NUP88: variants seen among roughly 807,000 people sequenced by gnomAD.
NUP88 encodes the protein nuclear pore complex protein Nup88.
NUP88 carries 57 observed loss-of-function variants against 93.9 expected under a neutral mutation model. That is an observed-to-expected ratio of 0.61 (90% CI 0.49 to 0.76). The LOEUF is 0.76. NUP88 is among the 30% of genes least tolerant of loss of function. NUP88 has a pLI of 0.00. For synonymous variants in NUP88, 346 were observed against 336.8 expected (o/e 1.03, Z -0.30); for missense variants, 911 against 901.0 (o/e 1.01, Z -0.14).
Position 5,387,456 on chromosome 17 carries a change from G to A in NUP88, c.1846C>T (p.Arg616Trp), listed in dbSNP as rs147688370. The A allele has an allele frequency of 8.1e-6, 13 of 1,613,828 alleles. No individual in the cohort carries two copies. Among genetic ancestry groups the A allele is most frequent in the East Asian group, 2.2e-5 (1 of 44,884 alleles). The change falls in exon 14 of 17, where the codon CGG becomes TGG. Residue 616 changes from arginine (R) to tryptophan (W), a missense_variant. Physicochemically the swap from Arg to Trp is moderately radical, Grantham distance 101. Coordinates refer to ENST00000573584, the MANE Select transcript of NUP88 (RefSeq NM_002532.6). ...SYCREERKSL[R>W]EMAERLADKY... is the part of the protein sequence containing the mutation. ...TCAGCTAAACGCTCAGCCATTTCCC[G>A]CAGACTTTTCCTAATGATGTAAGAC...
In NUP88 at chr17:5,405,165, A is replaced by G; in HGVS notation, c.936T>C (p.Cys312=). 2.5e-6 allele frequency: 4 copies of G among 1,614,232 alleles called. No homozygotes were observed. Among genetic ancestry groups the G allele is most frequent in the Non-Finnish European group, 3.4e-6 (4 of 1,180,040 alleles). The change falls in exon 6 of 17, where the codon TGT becomes TGC. Residue 312 remains cysteine (C), a synonymous_variant. Transcript: ENST00000573584. ...AAEDNYGYDA[C]AVLCLPCVPN... is the part of the protein sequence containing the mutation. ...GGACACAGGGTAAGCAGAGTACAGC[A>G]CACGCATCATAACCATAGTTATCTT...
At chr17:5,392,739 C>T (rs17635627) in intron 9 of NUP88, among the ~76,000 whole-genome samples, 78,820 of 152,038 alleles carry the variant, frequency 0.52, 21,855 homozygotes, top group East Asian at 0.97. Flanking sequence ...TATGTATTCA[C>T]TCCTAGGCAA....
chr17:5,396,207 G>A (rs8076560), intron 8 of NUP88, among the ~76,000 whole-genome samples: 66,502 of 151,648 alleles, frequency 0.44, 15,312 homozygotes, highest in East Asian at 0.84. Flanking sequence ...GTGAAACTCC[G>A]TCTAAAAAAA....
At chr17:5,399,990 T>G (rs1913042354) in intron 7 of NUP88, among the ~76,000 whole-genome samples, 1 of 152,024 alleles carries the variant, frequency 6.6e-6, no homozygotes, top group Non-Finnish European at 1.5e-5. Context: ...TTTATACTAG[T>G]AGGTACGCAA....
chr17:5,391,136 G>A (rs572534392), intron 10 of NUP88, among the ~76,000 whole-genome samples: 73 of 152,134 alleles, frequency 4.8e-4, no homozygotes, highest in Admixed American at 1.4e-3. Flanking sequence ...CTAACCTCTC[G>A]ATCCCCGTTT....
intron 6 of NUP88, 117 bp from the exon 7 acceptor site, chr17:5,404,363 A>G: frequency 2.0e-6 from 2 of 1,022,584 alleles, no homozygotes; most frequent in Non-Finnish European, 2.9e-6. Flanking sequence ...CTGTAATCCC[A>G]GCACTTTGGG....
intron 8 of NUP88, among the ~76,000 whole-genome samples, chr17:5,397,646 A>T (rs1030291214): frequency 2.0e-5 from 3 of 152,284 alleles, no homozygotes; most frequent in Middle Eastern, 3.4e-3. Flanking sequence ...TAAGATAACA[A>T]ATTTGTCATG....
intron 16 of NUP88, 137 bp downstream of exon 16, chr17:5,386,571 A>G: frequency 1.4e-6 from 1 of 719,950 alleles, no homozygotes; most frequent in African/African-American, 1.8e-5. Context: ...GTCCCTATGT[A>G]TCATGTGGCT....
chr17:5,406,721 T>A (rs1913513979), intron 5 of NUP88, among the ~76,000 whole-genome samples: 1 of 151,928 alleles, frequency 6.6e-6, no homozygotes, highest in South Asian at 2.1e-4. Context: ...AACAATTGTT[T>A]TGGGCCACAC....
At chr17:5,390,693 G>C (rs1250496111) in intron 10 of NUP88, among the ~76,000 whole-genome samples, 5 of 138,124 alleles carry the variant, frequency 3.6e-5, no homozygotes, top group African/African-American at 1.1e-4. Context: ...AAGACTAAGA[G>C]TTCAGCTTTT....
chr17:5,402,002 A>G (rs948823838), intron 7 of NUP88, among the ~76,000 whole-genome samples: 1 of 152,232 alleles, frequency 6.6e-6, no homozygotes, highest in African/African-American at 2.4e-5. Context: ...TTCACATATG[A>G]AAATGTTACT....
At chr17:5,414,245 G>T (rs1185073737) in intron 2 of NUP88, 111 bp from the exon 3 acceptor site, 4 of 877,232 alleles carry the variant, frequency 4.6e-6, no homozygotes, top group Admixed American at 4.5e-5. Context: ...GCCCAGGCTG[G>T]AGTGTAACGG....
intron 3 of NUP88, among the ~76,000 whole-genome samples, chr17:5,411,330 G>A (rs557255031): frequency 3.3e-4 from 51 of 152,244 alleles, no homozygotes; most frequent in South Asian, 2.3e-3. Context: ...TTGGGAGGCC[G>A]AGGTGAGCAG....
intron 10 of NUP88, among the ~76,000 whole-genome samples, chr17:5,390,182 T>A (rs546785188): frequency 1.3e-3 from 109 of 81,254 alleles, no homozygotes; most frequent in South Asian, 6.4e-3. Flanking sequence ...AAAAAAAAAA[T>A]ATCCAGACAA....
Position 5,387,028 on chromosome 17 carries a change from G to A in NUP88, c.1999C>T (p.Leu667=), listed in dbSNP as rs746122168. 1 of 1,614,044 alleles carries A rather than the reference G, an allele frequency of 6.2e-7. No homozygotes were observed. The change falls in exon 15 of 17, where the codon CTG becomes TTG. Residue 667 remains leucine, a synonymous_variant. Transcript: ENST00000573584. The part of the protein sequence containing the change: ...SERDMKKELQ[L]IPDQLRHLGN... ...AAATGTCGAAGTTGATCAGGTATCA[G>A]CTGTAATTCTTTCTTCATGTCTCGC...
intron 10 of NUP88, among the ~76,000 whole-genome samples, chr17:5,390,645 T>A (rs1159923612): frequency 6.6e-6 from 1 of 152,114 alleles, no homozygotes; most frequent in Non-Finnish European, 1.5e-5. Context: ...AGGAACATAG[T>A]GATTACAGCT....
At position 5,386,123 on chromosome 17, in the gene NUP88, A is replaced by T; in HGVS notation, c.*83T>A. On this transcript the variant is annotated 3_prime_UTR_variant, in exon 17 of 17. Coordinates refer to ENST00000573584, the MANE Select transcript of NUP88 (RefSeq NM_002532.6). ...AGGTCATCAAAACACCTTTTTATAA[A>T]TTAGATAATTCTACCTGTTTTACAA... 9.7e-7 allele frequency: 1 copy of T among 1,028,300 alleles called. No individual in the cohort carries two copies. Among genetic ancestry groups the T allele is most frequent in the Admixed American group, 2.4e-5 (1 of 41,018 alleles). 63.7% of individuals were successfully genotyped at this position (1,028,300 alleles called of 1,614,324 possible). A position where few individuals can be genotyped will look rare whatever the true frequency, so the allele number is the denominator to read the frequency against.
chr17:5,410,871 A>G (rs1005385555), intron 3 of NUP88, 82 bp from the exon 4 acceptor site: 9 of 845,188 alleles, frequency 1.1e-5, no homozygotes, highest in Non-Finnish European at 1.8e-5. Flanking sequence ...CCATCTAGTC[A>G]GTTCTTGAGA....
intron 8 of NUP88, among the ~76,000 whole-genome samples, chr17:5,396,121 G>C (rs941614150): frequency 6.6e-6 from 1 of 152,064 alleles, no homozygotes; most frequent in African/African-American, 2.4e-5. Context: ...TGAGGCAGGT[G>C]AATCGCTTGA....
Sources: allele counts gnomAD v4.1 joint callset (sites outside exome capture counted in the v4.1 genomes callset), GRCh38; gene constraint gnomAD v4.1.1; transcripts MANE v1.5; gene names NCBI Gene and HGNC (gene_info 2026-07-23, HGNC 2026-07-21).